AFF2: variants seen among roughly 807,000 people sequenced by gnomAD.
The protein encoded by AFF2 is ALF transcription elongation factor 2, also known as AF4/FMR2 family member 2.
In AFF2, 14 loss-of-function variants were observed where a neutral mutation model predicts 76.9. The observed-to-expected ratio is 0.18, with a 90% CI of 0.12 to 0.28. The LOEUF (loss-of-function observed/expected upper bound fraction) is 0.28. AFF2 is among the 10% of genes least tolerant of loss of function. The pLI is 1.00. For synonymous variants in AFF2, 398 were observed against 366.7 expected, an observed-to-expected ratio of 1.09 and a Z score of -0.98; for missense variants, 868 against 1,001.1, an observed-to-expected ratio of 0.87 and a Z score of 1.79.
intron 3 of AFF2, among the ~76,000 whole-genome samples, chrX:148,695,678 TAAACATAAATTAAAC>T (rs2054714223): frequency 8.9e-6 from 1 of 112,665 alleles, no homozygotes; most frequent in Admixed American, 9.4e-5. Context: ...TAAGAATACA[TAAACATAAATTAAAC>T]ATTTTTTAAA....
intron 8 of AFF2, among the ~76,000 whole-genome samples, chrX:148,903,741 ATGG>A: frequency 8.9e-6 from 1 of 111,960 alleles, no homozygotes. Flanking sequence ...ACTTTCTATC[ATGG>A]TGGAAGTATG....
At chrX:148,630,336 A>T (rs2053967661) in intron 1 of AFF2, among the ~76,000 whole-genome samples, 1 of 111,646 alleles carries the variant, frequency 9.0e-6, no homozygotes, top group Admixed American at 9.4e-5. Context: ...TTTCTGGATA[A>T]ATTTGGGGAG....
chrX:148,956,063 C>T lies in AFF2; in HGVS notation c.2018C>T (p.Ala673Val). The T allele has an allele frequency of 1.7e-6, 2 of 1,210,999 alleles. No homozygotes were observed. Among genetic ancestry groups the T allele is most frequent in the Non-Finnish European group, 1.1e-6 (1 of 895,343 alleles). The change falls in exon 11 of 21, where the codon GCC becomes GTC. Residue 673 changes from alanine to valine, a missense_variant. By Grantham distance (64) the Ala-to-Val change is moderately conservative (BLOSUM62 0). Coordinates refer to ENST00000370460, the MANE Select transcript of AFF2 (RefSeq NM_002025.4). ...GACCCACCAAGAGGCCGCAACAAAGCCACTGCCCACAAACCAGCCCCTAGG... is the reference window on the plus strand; with the variant it reads ...GACCCACCAAGAGGCCGCAACAAAGTCACTGCCCACAAACCAGCCCCTAGG... Reference protein sequence around the residue: ...LHDPPRGRNKATAHKPAPRKE... With the variant: ...LHDPPRGRNKVTAHKPAPRKE...
At chrX:148,764,882 AATT>A (rs2069494518) in intron 3 of AFF2, among the ~76,000 whole-genome samples, 2 of 111,728 alleles carry the variant, frequency 1.8e-5, no homozygotes, top group Admixed American at 9.5e-5. Flanking sequence ...TTTCTTCCCG[AATT>A]ATTTACTAGA....
intron 9 of AFF2, among the ~76,000 whole-genome samples, chrX:148,949,535 A>G (rs1557286401): frequency 8.9e-6 from 1 of 112,393 alleles, no homozygotes; most frequent in Non-Finnish European, 1.9e-5. Context: ...GTTTGGGATT[A>G]AAATAAAGCT....
At chrX:148,651,312 T>C (rs1557256296) in intron 1 of AFF2, among the ~76,000 whole-genome samples, 1 of 112,125 alleles carries the variant, frequency 8.9e-6, no homozygotes, top group African/African-American at 3.2e-5. Context: ...TGACACCTCC[T>C]TTTTTTCATC....
chrX:148,785,918 G>C (rs2069814230), intron 3 of AFF2, among the ~76,000 whole-genome samples: 1 of 111,703 alleles, frequency 9.0e-6, no homozygotes, highest in Non-Finnish European at 1.9e-5. Flanking sequence ...AATTCACTCT[G>C]CATCACTGTT....
At chrX:148,746,130 A>G (rs2124569661) in intron 3 of AFF2, among the ~76,000 whole-genome samples, 1 of 112,354 alleles carries the variant, frequency 8.9e-6, no homozygotes, top group South Asian at 3.7e-4. Flanking sequence ...AAGCAAAAAG[A>G]AGAAATATCA....
intron 15 of AFF2, among the ~76,000 whole-genome samples, chrX:148,970,444 G>A (rs1250127182): frequency 1.8e-5 from 2 of 111,912 alleles, no homozygotes; most frequent in African/African-American, 6.5e-5. Context: ...AATTAAAACA[G>A]CTAAATCTGC....
intron 1 of AFF2, among the ~76,000 whole-genome samples, chrX:148,635,247 A>G (rs2054019119): frequency 9.0e-6 from 1 of 110,980 alleles, no homozygotes; most frequent in Admixed American, 9.6e-5. Flanking sequence ...AGAGAAGGAG[A>G]TGTGATGAAA....
At chrX:148,949,028 G>C (rs115793294) in intron 9 of AFF2, among the ~76,000 whole-genome samples, 1,511 of 110,656 alleles carry the variant, frequency 0.014, 41 homozygotes, top group African/African-American at 0.047. Flanking sequence ...TGTATTTACC[G>C]TGGAAGTTCA....
chrX:148,834,892 T>C (rs913593613), intron 4 of AFF2, among the ~76,000 whole-genome samples: 7 of 112,060 alleles, frequency 6.2e-5, no homozygotes, highest in African/African-American at 2.3e-4. Flanking sequence ...TTCAGGAAAT[T>C]ATATTCCTTT....
At chrX:148,745,373 C>T (rs2055408395) in intron 3 of AFF2, among the ~76,000 whole-genome samples, 2 of 111,773 alleles carry the variant, frequency 1.8e-5, no homozygotes, top group Non-Finnish European at 3.8e-5. Context: ...AAGTAGAAAA[C>T]ATTTTCTAAT....
At chrX:148,623,600 A>AATATAT (rs782158598) in intron 1 of AFF2, among the ~76,000 whole-genome samples, 31 of 101,471 alleles carry the variant, frequency 3.1e-4, no homozygotes, top group African/African-American at 8.2e-4. Flanking sequence ...CAAACATTTG[A>AATATAT]ATATATATAT....
intron 1 of AFF2, among the ~76,000 whole-genome samples, chrX:148,633,108 C>A (rs2053996061): frequency 8.9e-6 from 1 of 111,854 alleles, no homozygotes; most frequent in African/African-American, 3.3e-5. Flanking sequence ...ACTGCAGTTC[C>A]TTTCAAAAGT....
At chrX:148,780,036 G>T (rs1236044531) in intron 3 of AFF2, among the ~76,000 whole-genome samples, 2 of 112,072 alleles carry the variant, frequency 1.8e-5, no homozygotes, top group African/African-American at 6.5e-5. Flanking sequence ...GAAATTCTGG[G>T]TTGAAAATCC....
At chrX:148,792,181 A>G (rs1380861276) in intron 3 of AFF2, among the ~76,000 whole-genome samples, 2 of 111,922 alleles carry the variant, frequency 1.8e-5, no homozygotes, top group African/African-American at 3.2e-5. Flanking sequence ...CATCTACACC[A>G]TGGCGACAAT....
At chrX:148,509,692 T>C (rs2052462004) in intron 1 of AFF2, among the ~76,000 whole-genome samples, 1 of 112,659 alleles carries the variant, frequency 8.9e-6, no homozygotes, top group Non-Finnish European at 1.9e-5. Flanking sequence ...TTGTTTCTTT[T>C]GCTCTTTCTC....
intron 9 of AFF2, among the ~76,000 whole-genome samples, chrX:148,924,216 A>G (rs1050529510): frequency 8.9e-6 from 1 of 112,285 alleles, no homozygotes; most frequent in Non-Finnish European, 1.9e-5. Flanking sequence ...CCTTTTTACT[A>G]TATGGACTTT....
Sources: allele counts gnomAD v4.1 joint callset (sites outside exome capture counted in the v4.1 genomes callset), GRCh38; gene constraint gnomAD v4.1.1; transcripts MANE v1.5; gene names NCBI Gene and HGNC (gene_info 2026-07-23, HGNC 2026-07-21).